The following MAPKAPK3 variants were observed in gnomAD, a reference collection of about 807,000 sequenced individuals.
MAPKAPK3 encodes MAP kinase-activated protein kinase 3.
A neutral mutation model predicts 49.2 loss-of-function variants in MAPKAPK3; 35 were observed. The observed-to-expected ratio is 0.71, with a 90% confidence interval of 0.54 to 0.94. The LOEUF (loss-of-function observed/expected upper bound fraction) is 0.94, where lower values mean the gene tolerates loss of function less well. Among genes scored for constraint, MAPKAPK3 ranks in the 40% least tolerant of loss-of-function variants. The probability of loss-of-function intolerance (pLI) is 0.00; values close to 1 mark genes in which losing one functional copy is unlikely to be tolerated. For missense variants in MAPKAPK3, 398 were observed against 493.1 expected (o/e 0.81, Z 1.83); for synonymous variants, 178 against 188.7 (o/e 0.94, Z 0.46).
At chr3:50,619,731 C>A (rs896251912) in intron 2 of MAPKAPK3, among the ~76,000 whole-genome samples, 9 of 152,086 alleles carry the variant, frequency 5.9e-5, no homozygotes, top group Admixed American at 5.9e-4. Flanking sequence ...GGTGGGAGAC[C>A]AGAATTTGTA....
intron 2 of MAPKAPK3, among the ~76,000 whole-genome samples, chr3:50,618,887 CA>C (rs2107571671): frequency 6.6e-6 from 1 of 152,272 alleles, no homozygotes; most frequent in South Asian, 2.1e-4. Flanking sequence ...GACAGGGTTT[CA>C]CCATGTTGGC....
intron 5 of MAPKAPK3, 134 bp downstream of exon 5, chr3:50,642,466 C>A: frequency 1.5e-6 from 1 of 665,962 alleles, no homozygotes; most frequent in Non-Finnish European, 2.7e-6. Flanking sequence ...GCTCTGTGTC[C>A]CAGACTGCTT....
At chr3:50,646,347 G>C in intron 8 of MAPKAPK3, 83 bp downstream of exon 8, 1 of 1,585,684 alleles carries the variant, frequency 6.3e-7, no homozygotes, top group East Asian at 2.2e-5. Flanking sequence ...GTGTCAAACT[G>C]ACCTGTGTTC....
In MAPKAPK3 at chr3:50,648,037, C is replaced by A. The variant is rs1237906944; in HGVS notation, c.1140C>A (p.Asn380Lys). ...GCTCCTCTGCCTCACAGGGCTGCAA[C>A]AACCAGTAGCTCATGGGGCCTTGGA... ...AGSSSASQGCNNQ is the reference protein window; with the variant it reads ...AGSSSASQGCKNQ Residue 380 changes from asparagine to lysine, a missense_variant, in exon 11 of 11, where the codon AAC (asparagine) becomes AAA (lysine). Transcript: ENST00000621469. 6.2e-7 allele frequency: 1 copy of A among 1,612,730 alleles called. No homozygotes were observed. The highest frequency in any genetic ancestry group is 8.5e-7 in the Non-Finnish European group (1 of 1,179,496).
intron 8 of MAPKAPK3, 93 bp downstream of exon 8, chr3:50,646,357 C>G (rs1013835534): frequency 4.5e-6 from 7 of 1,554,510 alleles, no homozygotes; most frequent in Non-Finnish European, 5.3e-6. Context: ...GACCTGTGTT[C>G]AAATCTTGGC....
chr3:50,630,572 G>A (rs367803963), intron 2 of MAPKAPK3, among the ~76,000 whole-genome samples: 97 of 152,378 alleles, frequency 6.4e-4, no homozygotes, highest in African/African-American at 2.2e-3. Flanking sequence ...GCGGGGCTCC[G>A]TGAACATCTG....
intron 2 of MAPKAPK3, among the ~76,000 whole-genome samples, chr3:50,639,256 G>A (rs1006401486): frequency 2.0e-5 from 3 of 152,138 alleles, no homozygotes; most frequent in Non-Finnish European, 4.4e-5. Flanking sequence ...AGGTCACACC[G>A]AGTCATTGGA....
chr3:50,619,194 A>G (rs549421124), intron 2 of MAPKAPK3, among the ~76,000 whole-genome samples: 1 of 152,338 alleles, frequency 6.6e-6, no homozygotes, highest in South Asian at 2.1e-4. Context: ...AGGACCTGAT[A>G]CAGGTCTGGA....
chr3:50,612,878 C>T (rs954685618), upstream of MAPKAPK3: 2 of 152,166 alleles, frequency 1.3e-5, no homozygotes, highest in African/African-American at 4.8e-5. Context: ...TCCTCTACAA[C>T]TGGTGTTGCT....
chr3:50,647,343 G>T, intron 10 of MAPKAPK3, 140 bp downstream of exon 10: 2 of 674,992 alleles, frequency 3.0e-6, no homozygotes. Flanking sequence ...TGTCGCAGTG[G>T]TCCAACCATG....
intron 2 of MAPKAPK3, among the ~76,000 whole-genome samples, chr3:50,621,494 A>G (rs895181060): frequency 6.6e-6 from 1 of 150,978 alleles, no homozygotes; most frequent in Non-Finnish European, 1.5e-5. Flanking sequence ...GCTACTGGGG[A>G]GACTGAGGCA....
rs1316481998 is a variant in MAPKAPK3, at chr3:50,637,828, T to C, written c.220-2538T>C. Among the ~76,000 whole-genome samples the C allele has an allele frequency of 1.1e-4, 16 of 151,872 alleles. 1 individual carries two copies. Among genetic ancestry groups the C allele is most frequent in the Non-Finnish European group, 2.2e-4 (15 of 67,998 alleles). ...AGAGAGGATGAGGCAAGAATGCACA[T>C]GACAGGGACCAGCACAGACCTAGAC... On this transcript the variant is annotated intron_variant, in intron 2 of 10. Transcript: ENST00000621469.
intron 2 of MAPKAPK3, among the ~76,000 whole-genome samples, chr3:50,635,334 A>G (rs2033007385): frequency 6.7e-6 from 1 of 149,704 alleles, no homozygotes; most frequent in Non-Finnish European, 1.5e-5. Context: ...GCCCTTGGGC[A>G]GCAGGGAGAA....
intron 8 of MAPKAPK3, among the ~76,000 whole-genome samples, chr3:50,646,466 A>G (rs576606659): frequency 1.3e-5 from 2 of 152,184 alleles, no homozygotes; most frequent in East Asian, 3.9e-4. Flanking sequence ...TGCCTCCTCA[A>G]AACTCCCTCT....
chr3:50,621,619 A>C (rs2032612680), intron 2 of MAPKAPK3, among the ~76,000 whole-genome samples: 1 of 150,424 alleles, frequency 6.6e-6, no homozygotes, highest in African/African-American at 2.4e-5. Context: ...AAAAAAAAAA[A>C]AGTAGCCAGG....
At chr3:50,615,803 G>A (rs982811029), upstream of MAPKAPK3, among the ~76,000 whole-genome samples, 5 of 152,246 alleles carry the variant, frequency 3.3e-5, no homozygotes, top group African/African-American at 1.2e-4. Flanking sequence ...GAAAGAAATA[G>A]GGGCAGAGCC....
chr3:50,634,492 T>TTC (rs1173453281), intron 2 of MAPKAPK3, among the ~76,000 whole-genome samples: 6 of 144,216 alleles, frequency 4.2e-5, no homozygotes, highest in East Asian at 4.0e-4. Flanking sequence ...CTTCTTCTTC[T>TTC]TTTTTTTTTT....
At chr3:50,622,142 GAT>G (rs1340729132) in intron 2 of MAPKAPK3, among the ~76,000 whole-genome samples, 1 of 152,184 alleles carries the variant, frequency 6.6e-6, no homozygotes, top group Non-Finnish European at 1.5e-5. Context: ...CTGCATGTGG[GAT>G]CTCAGTGATG....
chr3:50,611,541 C>T (rs916410296), upstream of MAPKAPK3: 13 of 1,518,656 alleles, frequency 8.6e-6, no homozygotes, highest in Non-Finnish European at 1.1e-5. Context: ...GCCCGTCAAG[C>T]CCTCCCAATG....
Sources: allele counts gnomAD v4.1 joint callset (sites outside exome capture counted in the v4.1 genomes callset), GRCh38; gene constraint gnomAD v4.1.1; transcripts MANE v1.5; gene names NCBI Gene and HGNC (gene_info 2026-07-23, HGNC 2026-07-21).